DYNC1I1: variants seen among roughly 807,000 people sequenced by gnomAD.
DYNC1I1 encodes the protein cytoplasmic dynein 1 intermediate chain 1.
A neutral mutation model predicts 86.6 loss-of-function variants in DYNC1I1; 43 were observed. The ratio of observed to expected loss-of-function variants is 0.50; its 90% CI spans 0.39 to 0.64. The LOEUF (loss-of-function observed/expected upper bound fraction) is 0.64, where lower values mean the gene tolerates loss of function less well. DYNC1I1 is among the 30% of genes least tolerant of loss of function. The pLI, the probability that DYNC1I1 is intolerant of heterozygous loss-of-function variation, is 0.00. For missense variants in DYNC1I1, 604 were observed against 788.8 expected (o/e 0.77, Z 2.81); for synonymous variants, 262 against 283.7 (o/e 0.92, Z 0.77).
intron 4 of DYNC1I1, among the ~76,000 whole-genome samples, chr7:95,826,966 G>A (rs1237592899): frequency 6.6e-6 from 1 of 152,100 alleles, no homozygotes; most frequent in Non-Finnish European, 1.5e-5. Context: ...AACCGAGCAG[G>A]GCTTCTCAAA....
intron 6 of DYNC1I1, among the ~76,000 whole-genome samples, chr7:95,964,177 G>C (rs968149818): frequency 6.6e-6 from 1 of 152,186 alleles, no homozygotes; most frequent in Non-Finnish European, 1.5e-5. Context: ...AAATATATCA[G>C]TTCTCCCTGG....
chr7:96,097,297 T>C (rs1027513645), intron 16 of DYNC1I1, among the ~76,000 whole-genome samples, 186 bp from the exon 17 acceptor site: 2 of 152,192 alleles, frequency 1.3e-5, no homozygotes, highest in African/African-American at 4.8e-5. Flanking sequence ...CATGGTTCTC[T>C]TGTTAGTTTA....
At chr7:95,843,428 C>A (rs1034065893) in intron 5 of DYNC1I1, among the ~76,000 whole-genome samples, 2 of 152,202 alleles carry the variant, frequency 1.3e-5, no homozygotes, top group Non-Finnish European at 2.9e-5. Flanking sequence ...GAAACTCTCT[C>A]AATGCTGTAA....
intron 6 of DYNC1I1, among the ~76,000 whole-genome samples, chr7:95,967,171 A>C (rs1356986923): frequency 2.6e-5 from 4 of 152,234 alleles, no homozygotes; most frequent in Non-Finnish European, 5.9e-5. Flanking sequence ...ATACAGAATT[A>C]TGTTCTACTT....
At chr7:95,979,225 A>G (rs1669351939) in intron 7 of DYNC1I1, among the ~76,000 whole-genome samples, 1 of 152,210 alleles carries the variant, frequency 6.6e-6, no homozygotes, top group Non-Finnish European at 1.5e-5. Flanking sequence ...GCAAGATAGT[A>G]ATGAAAAAGC....
intron 1 of DYNC1I1, among the ~76,000 whole-genome samples, chr7:95,801,124 G>A (rs1260634738): frequency 6.6e-6 from 1 of 152,154 alleles, no homozygotes; most frequent in African/African-American, 2.4e-5. Context: ...ATCTGCTTTG[G>A]AATGGATCAA....
chr7:95,904,984 A>C (rs569705096), intron 6 of DYNC1I1, among the ~76,000 whole-genome samples: 16 of 152,316 alleles, frequency 1.1e-4, no homozygotes, highest in African/African-American at 3.8e-4. Flanking sequence ...TATCACTGAA[A>C]TCAGTACTTT....
intron 9 of DYNC1I1, among the ~76,000 whole-genome samples, chr7:95,991,882 A>T (rs1045977555): frequency 1.3e-4 from 20 of 152,094 alleles, no homozygotes; most frequent in African/African-American, 4.8e-4. Context: ...TTATTTTGAG[A>T]TGGAGTCTCA....
At chr7:96,104,000 G>A (rs905905082) in intron 16 of DYNC1I1, among the ~76,000 whole-genome samples, 13 of 152,140 alleles carry the variant, frequency 8.5e-5, no homozygotes, top group African/African-American at 2.9e-4. Context: ...GCATGAAATG[G>A]TATCTAGCTG....
intron 6 of DYNC1I1, among the ~76,000 whole-genome samples, chr7:95,926,425 T>G (rs144728234): frequency 2.6e-5 from 4 of 152,188 alleles, no homozygotes; most frequent in African/African-American, 9.7e-5. Flanking sequence ...TATGTGAATC[T>G]GATTTGATAC....
intron 5 of DYNC1I1, among the ~76,000 whole-genome samples, chr7:95,843,503 C>T (rs572217263): frequency 6.6e-5 from 10 of 152,258 alleles, no homozygotes; most frequent in African/African-American, 1.9e-4. Context: ...TTCCTCATTG[C>T]CTGACCTCTA....
chr7:96,035,903 A>T, intron 13 of DYNC1I1, 151 bp downstream of exon 13: 1 of 1,298,600 alleles, frequency 7.7e-7, no homozygotes, highest in South Asian at 1.4e-5. Flanking sequence ...AAAGAGCTGC[A>T]TCTGCTCTGG....
At chr7:96,059,407 T>C (rs1789696110) in intron 14 of DYNC1I1, among the ~76,000 whole-genome samples, 1 of 152,026 alleles carries the variant, frequency 6.6e-6, no homozygotes, top group African/African-American at 2.4e-5. Context: ...AGGAGTGTAG[T>C]CTTATTCTGT....
intron 1 of DYNC1I1, among the ~76,000 whole-genome samples, chr7:95,785,087 A>G (rs1222513814): frequency 1.3e-5 from 2 of 152,198 alleles, no homozygotes; most frequent in Admixed American, 6.5e-5. Context: ...TGGGAATGCT[A>G]TAGTAACTTC....
chr7:95,898,140 G>A (rs1034735559), intron 6 of DYNC1I1, among the ~76,000 whole-genome samples: 6 of 152,038 alleles, frequency 3.9e-5, no homozygotes, highest in African/African-American at 1.2e-4. Context: ...GGCCACGCAC[G>A]GCACATCTGC....
chr7:95,987,128 G>A lies in DYNC1I1; in HGVS notation c.816G>A (p.Val272=), dbSNP rs374229552. ...ATGAACATTGGTCCAAGCATCGAGT[G>A]GTCACTTGTATGGACTGGTCCCTCC... is the stretch of plus-strand genomic sequence containing the variant. ...FYDEHWSKHR[V]VTCMDWSLQY... Residue 272 remains valine (V), a synonymous_variant, in exon 9 of 17, where the codon GTG becomes GTA. Transcript: ENST00000447467. 5.6e-6 allele frequency: 9 copies of A among 1,613,922 alleles called. No homozygotes were observed. Among genetic ancestry groups the A allele is most frequent in the Non-Finnish European group, 7.6e-6 (9 of 1,179,890 alleles).
intron 7 of DYNC1I1, among the ~76,000 whole-genome samples, 165 bp downstream of exon 7, chr7:95,977,766 T>C (rs937354436): frequency 6.6e-6 from 1 of 152,288 alleles, no homozygotes; most frequent in East Asian, 1.9e-4. Context: ...TAAACTGTAA[T>C]CTCCAAAGCA....
intron 11 of DYNC1I1, 95 bp downstream of exon 11, chr7:96,028,416 A>G: frequency 6.9e-7 from 1 of 1,456,344 alleles, no homozygotes. Flanking sequence ...CAGTAATGCC[A>G]AGTTAGGAGG....
chr7:95,798,512 T>G (rs966730926), intron 1 of DYNC1I1, among the ~76,000 whole-genome samples: 2 of 152,108 alleles, frequency 1.3e-5, no homozygotes, highest in African/African-American at 4.8e-5. Context: ...AAGTTCAATA[T>G]ATGATAGTGA....
Sources: gnomAD v4.1 joint callset for allele counts (sites outside exome capture counted in the v4.1 genomes callset) on GRCh38, gnomAD v4.1.1 for gene constraint, MANE v1.5 for transcripts, NCBI Gene and HGNC (gene_info 2026-07-23, HGNC 2026-07-21) for gene names.